The following ABL1 variants were observed in gnomAD, a reference collection of about 807,000 sequenced individuals.
ABL1 encodes the protein tyrosine-protein kinase ABL1.
Under a neutral mutation model 94.7 loss-of-function variants are expected in ABL1, and 11 were observed. The observed-to-expected ratio is 0.12, with a 90% confidence interval of 0.07 to 0.19. The LOEUF is 0.19. Among genes scored for constraint, ABL1 ranks in the 10% least tolerant of loss-of-function variants. The pLI is 1.00. For missense variants in ABL1, 1,082 were observed against 1,489.4 expected (o/e 0.73, Z 4.50); for synonymous variants, 656 against 622.4 (o/e 1.05, Z -0.80).
chr9:130,867,937 G>GTTTT (rs34124714), intron 4 of ABL1, among the ~76,000 whole-genome samples: 1 of 141,310 alleles, frequency 7.1e-6, no homozygotes, highest in African/African-American at 2.6e-5. Flanking sequence ...CCCTCCAGTG[G>GTTTT]TTTTTTTTTT....
chr9:130,880,191 G>T lies in ABL1; in HGVS notation c.1513+34G>T, dbSNP rs779033025. ...CCCATCCCGGGGTACCTGCAGTGGG[G>T]TGAAAGGGCAGCCATGTGGGACTGC... On this transcript the variant is annotated intron_variant, in intron 9 of 10. Coordinates refer to ENST00000318560, the MANE Select transcript of ABL1 (RefSeq NM_005157.6). The surrounding 1 kb of genome is among the most constrained non-coding windows in gnomAD (Gnocchi z 4.4). The T allele has an allele frequency of 1.5e-5, 24 of 1,601,132 alleles. No individual in the cohort carries two copies. The highest frequency in any genetic ancestry group is 1.6e-5 in the Non-Finnish European group (19 of 1,168,322).
At chr9:130,834,279 GT>G (rs1830530982), upstream of ABL1, among the ~76,000 whole-genome samples, 1 of 152,182 alleles carries the variant, frequency 6.6e-6, no homozygotes, top group South Asian at 2.1e-4. Context: ...CCCCTTTACA[GT>G]TTTGTGATTA....
Position 130,863,108 on chromosome 9 carries a change from C to T in ABL1, c.822+73C>T. 6.8e-7 allele frequency: 1 copy of T among 1,469,688 alleles called. No homozygotes were observed. Among genetic ancestry groups the T allele is most frequent in the Non-Finnish European group, 9.1e-7 (1 of 1,102,678 alleles). The allele number at this position is 1,469,688 out of a possible 1,614,324, so 91.0% of individuals were successfully genotyped here. On this transcript the variant is annotated intron_variant, in intron 4 of 10. Transcript: ENST00000318560. The surrounding 1 kb of genome is among the most constrained non-coding windows in gnomAD (Gnocchi z 4.3). ...CTGCTGGCATTAGGCGATGCATCTG[C>T]CTGGAAGTCTACCTCCTGCCTGCTG...
intron 1 of ABL1, among the ~76,000 whole-genome samples, chr9:130,741,242 A>AT (rs1831813308): frequency 3.3e-5 from 5 of 152,164 alleles, no homozygotes; most frequent in African/African-American, 1.2e-4. Context: ...TGGCACCCAC[A>AT]AATGCCACAG....
intron 1 of ABL1, among the ~76,000 whole-genome samples, chr9:130,751,539 A>G (rs572878604): frequency 1.3e-5 from 2 of 152,294 alleles, no homozygotes; most frequent in East Asian, 1.9e-4. Flanking sequence ...GTTGGGCTTC[A>G]TGAGTGATTC....
chr9:130,805,517 A>G (rs1358811285), intron 1 of ABL1, among the ~76,000 whole-genome samples: 2 of 152,220 alleles, frequency 1.3e-5, no homozygotes, highest in African/African-American at 4.8e-5. Context: ...TCATAATGAC[A>G]GAACAATTGT....
chr9:130,791,228 T>TG (rs1829905539), intron 1 of ABL1, among the ~76,000 whole-genome samples: 2 of 151,818 alleles, frequency 1.3e-5, no homozygotes, highest in Non-Finnish European at 2.9e-5. Context: ...ATACCAAGAG[T>TG]GGAACTACTG....
intron 1 of ABL1, among the ~76,000 whole-genome samples, chr9:130,725,447 C>T (rs1227707370): frequency 1.3e-5 from 2 of 152,164 alleles, no homozygotes; most frequent in African/African-American, 4.8e-5. Flanking sequence ...ATGGCGCGAT[C>T]TCGGCTCACT....
intron 1 of ABL1, among the ~76,000 whole-genome samples, chr9:130,821,844 T>TAA (rs1564300546): frequency 4.4e-5 from 5 of 114,638 alleles, no homozygotes; most frequent in African/African-American, 1.3e-4. Context: ...ATTATTATTT[T>TAA]TTTTTTTTTT....
chr9:130,816,844 G>C (rs1253519404), intron 1 of ABL1, among the ~76,000 whole-genome samples: 1 of 152,102 alleles, frequency 6.6e-6, no homozygotes, highest in Non-Finnish European at 1.5e-5. Context: ...GCTGGGATTA[G>C]AGGCATGCAC....
chr9:130,724,747 TAA>T (rs34124679), intron 1 of ABL1: 16,646 of 304,370 alleles, frequency 0.055, no homozygotes, highest in South Asian at 0.076. Context: ...ACCCTGTCTT[TAA>T]AAAAAAAAAA....
intron 1 of ABL1, among the ~76,000 whole-genome samples, chr9:130,772,977 G>T (rs1282291622): frequency 6.6e-6 from 1 of 152,146 alleles, no homozygotes; most frequent in Non-Finnish European, 1.5e-5. Flanking sequence ...TCTTTTTAAT[G>T]AATAGCTGAA....
chr9:130,723,726 T>C (rs754519357), intron 1 of ABL1, among the ~76,000 whole-genome samples: 19 of 152,204 alleles, frequency 1.2e-4, no homozygotes, highest in Non-Finnish European at 2.2e-4. Flanking sequence ...ATATACTTCC[T>C]AGTAGTATTT....
rs1021870535 is a variant in ABL1, at chr9:130,763,497, C to T, written c.136+49042C>T. Reference sequence around the variant, plus strand: ...TCAGAAGTGGGTTAGCTGAGTGGTTCTAGCTTGTGGTCTCTCATGAGATTG... The same window carrying T: ...TCAGAAGTGGGTTAGCTGAGTGGTTTTAGCTTGTGGTCTCTCATGAGATTG... On this transcript the variant is annotated intron_variant, in intron 1 of 10. Transcript: ENST00000372348. Among the ~76,000 whole-genome samples, 3 of 152,124 alleles carry T rather than the reference C, an allele frequency of 2.0e-5. No homozygotes were observed. In the East Asian group the frequency reaches 5.8e-4, roughly 29 times the overall value.
intron 1 of ABL1, among the ~76,000 whole-genome samples, chr9:130,845,799 G>A (rs1322783189): frequency 6.6e-6 from 1 of 151,924 alleles, no homozygotes; most frequent in Non-Finnish European, 1.5e-5. Context: ...GTTCTCCTTT[G>A]CAATCCTCTG....
rs1166153829 is a variant in ABL1, at chr9:130,786,989, CCAT to C, written c.137-67074_137-67072del. Among the ~76,000 whole-genome samples, 3 of 152,186 alleles carry C rather than the reference CCAT, an allele frequency of 2.0e-5. No individual in the cohort carries two copies. In the East Asian group the frequency reaches 5.8e-4, roughly 29 times the overall value. ...AAGCTCTTTTCTTAGGTCAGGGCCA[CCAT>C]GGCTTTTTGTTGCATTGATCTCTTT... On this transcript the variant is annotated intron_variant, in intron 1 of 10. Transcript: ENST00000372348.
At chr9:130,721,611 A>G (rs1039073763) in intron 1 of ABL1, among the ~76,000 whole-genome samples, 2 of 151,736 alleles carry the variant, frequency 1.3e-5, no homozygotes, top group African/African-American at 4.8e-5. Context: ...TCAAGAGGCT[A>G]AAGTGGGAGA....
Position 130,887,123 on chromosome 9 carries a change from G to A in ABL1, c.*1440G>A. ...AGCTAACTCCGAGAGCAGTGGGCAGGTGGCCGCCCCTGAGGCTTCACGCCG... is the reference window on the plus strand; with the variant it reads ...AGCTAACTCCGAGAGCAGTGGGCAGATGGCCGCCCCTGAGGCTTCACGCCG... On this transcript the variant is annotated 3_prime_UTR_variant, in exon 11 of 11. Coordinates refer to ENST00000318560, the MANE Select transcript of ABL1 (RefSeq NM_005157.6). 4.3e-6 allele frequency: 1 copy of A among 233,256 alleles called. No homozygotes were observed. The highest frequency in any genetic ancestry group is 8.5e-6 in the Non-Finnish European group (1 of 118,006). The allele number at this position is 233,256 out of a possible 1,614,324, so 14.4% of individuals were successfully genotyped here. A position where few individuals can be genotyped will look rare whatever the true frequency, so the allele number is the denominator to read the frequency against.
chr9:130,724,626 A>T (rs1831555387), intron 1 of ABL1, among the ~76,000 whole-genome samples: 1 of 151,754 alleles, frequency 6.6e-6, no homozygotes. Flanking sequence ...CCTGGCCAAC[A>T]TGGTGAAAAC....
Sources: gnomAD v4.1 joint callset for allele counts (sites outside exome capture counted in the v4.1 genomes callset) on GRCh38, gnomAD v4.1.1 for gene constraint, Gnocchi (gnomAD v3.1) non-coding constraint, MANE v1.5 for transcripts, NCBI Gene and HGNC (gene_info 2026-07-23, HGNC 2026-07-21) for gene names.